CPHXL: variants seen among roughly 807,000 people sequenced by gnomAD.
CPHXL encodes the protein cytoplasmic polyadenylated homeobox like, also known as cytoplasmic polyadenylated homeobox-like protein.
intron 1 of CPHXL, among the ~76,000 whole-genome samples, chr16:75,720,141 C>T (rs866713528): frequency 1.3e-5 from 2 of 152,236 alleles, no homozygotes; most frequent in Non-Finnish European, 1.5e-5. Context: ...GACAAAACCA[C>T]AAAGATGGGG....
intron 2 of CPHXL, among the ~76,000 whole-genome samples, chr16:75,717,873 A>G (rs936555725): frequency 8.5e-5 from 13 of 152,102 alleles, no homozygotes; most frequent in African/African-American, 2.9e-4. Context: ...CGAATTCTGT[A>G]CCTTCCTATC....
chr16:75,725,697 C>T (rs1030661984), intron 1 of CPHXL, among the ~76,000 whole-genome samples: 2 of 150,396 alleles, frequency 1.3e-5, no homozygotes, highest in Non-Finnish European at 3.0e-5. Context: ...CGTGATCCAC[C>T]CGCCTCGGCC....
intron 2 of CPHXL, 130 bp from the exon 3 acceptor site, chr16:75,715,352 C>T (rs4888451): frequency 7.6e-6 from 3 of 396,806 alleles, no homozygotes; most frequent in Non-Finnish European, 1.3e-5. Flanking sequence ...TGCCTGCTGA[C>T]ATTAAAGCAT....
At position 75,720,010 on chromosome 16, in the gene CPHXL, C is replaced by T. The variant is rs547330350; in HGVS notation, c.26-1552G>A. On this transcript the variant is annotated intron_variant, in intron 1 of 2. Coordinates refer to ENST00000640559, the MANE Select transcript of CPHXL (RefSeq NM_001355613.1). ...TCAAACAGGGTCTGGAGTGGACCTCCGGCAAACTCCAACAGACCTGTAGCT... is the reference window on the plus strand; with the variant it reads ...TCAAACAGGGTCTGGAGTGGACCTCTGGCAAACTCCAACAGACCTGTAGCT... Among the ~76,000 whole-genome samples the T allele has an allele frequency of 1.1e-4, 17 of 152,304 alleles. 1 individual carries two copies. Among genetic ancestry groups the T allele is most frequent in the East Asian group, 3.9e-4 (2 of 5,182 alleles).
At chr16:75,725,198 C>T (rs1345382327) in intron 1 of CPHXL, among the ~76,000 whole-genome samples, 2 of 152,050 alleles carry the variant, frequency 1.3e-5, no homozygotes, top group African/African-American at 2.4e-5. Context: ...ATGGGTGCAG[C>T]ACACCAACAT....
rs990616696 is a variant in CPHXL, at chr16:75,714,773, C to A, written c.669G>T (p.Gly223=). 7 of 398,538 alleles carry A rather than the reference C, an allele frequency of 1.8e-5. No homozygotes were observed. The highest frequency in any genetic ancestry group is 4.4e-5 in the Admixed American group (1 of 22,720). 24.7% of individuals were successfully genotyped at this position (398,538 alleles called of 1,614,324 possible). ...GCCCACTTCCTGTGTCACCTCCATA[C>A]CCCATAGCACAGCCTGGATGCTTTT... is the stretch of plus-strand genomic sequence containing the variant. ...GTEKHPGCAM[G]YGGDTGSGHS... The change falls in exon 3 of 3, where the codon GGG becomes GGT. Residue 223 remains glycine (G), a synonymous_variant. Coordinates refer to ENST00000640559, the MANE Select transcript of CPHXL (RefSeq NM_001355613.1).
intron 1 of CPHXL, among the ~76,000 whole-genome samples, chr16:75,726,099 T>A (rs1959555412): frequency 6.6e-6 from 1 of 152,042 alleles, no homozygotes; most frequent in African/African-American, 2.4e-5. Context: ...ACACAAGAAC[T>A]GGTACTTTGT....
intron 1 of CPHXL, among the ~76,000 whole-genome samples, chr16:75,725,906 C>A (rs185905106): frequency 4.6e-5 from 7 of 151,542 alleles, no homozygotes; most frequent in African/African-American, 7.3e-5. Context: ...GCCAGTCATA[C>A]TAAATTGGAT....
intron 1 of CPHXL, among the ~76,000 whole-genome samples, chr16:75,721,218 C>T (rs1597221894): frequency 2.6e-5 from 4 of 152,266 alleles, no homozygotes; most frequent in East Asian, 1.9e-4. Context: ...AACCAGCTAA[C>T]ATCATAATGA....
chr16:75,718,300 C>T lies in CPHXL; in HGVS notation c.184G>A (p.Ala62Thr). ...TTTACCGGACAATCAAATTTGATGG[C>T]CAGTGTTTTCCTAGTTGTGTAATCG... ...YPDYTTRKTL[A>T]IKFDCPVNVI... is the part of the protein sequence containing the mutation. The change falls in exon 2 of 3, where the codon GCC becomes ACC. Residue 62 changes from alanine to threonine, a missense_variant. Physicochemically the swap from Ala to Thr is moderately conservative, Grantham distance 58 (BLOSUM62 0). Transcript: ENST00000640559. 2.5e-6 allele frequency: 1 copy of T among 398,742 alleles called. No homozygotes were observed. The highest frequency in any genetic ancestry group is 4.4e-6 in the Non-Finnish European group (1 of 226,200). 24.7% of individuals were successfully genotyped at this position (398,742 alleles called of 1,614,324 possible).
chr16:75,725,374 C>T (rs113887896), intron 1 of CPHXL, among the ~76,000 whole-genome samples: 2 of 152,090 alleles, frequency 1.3e-5, no homozygotes, highest in African/African-American at 2.4e-5. Context: ...CTGCAATCTC[C>T]GCCTACTGGG....
intron 1 of CPHXL, among the ~76,000 whole-genome samples, chr16:75,723,082 G>C (rs1201115738): frequency 6.6e-6 from 1 of 152,244 alleles, no homozygotes; most frequent in Admixed American, 6.5e-5. Context: ...AATAAATTAG[G>C]TATTGATGGG....
At chr16:75,719,465 C>T (rs62058720) in intron 1 of CPHXL, among the ~76,000 whole-genome samples, 1 of 152,132 alleles carries the variant, frequency 6.6e-6, no homozygotes, top group Non-Finnish European at 1.5e-5. Context: ...TATGCTGCGC[C>T]TGGCTCAGAG....
chr16:75,715,217 C>T lies in CPHXL; in HGVS notation c.225G>A (p.Trp75Ter). 1 of 398,814 alleles carries T rather than the reference C, an allele frequency of 2.5e-6. No homozygotes were observed. Among genetic ancestry groups the T allele is most frequent in the Non-Finnish European group, 4.4e-6 (1 of 226,194 alleles). The allele number at this position is 398,814 out of a possible 1,614,324, so 24.7% of individuals were successfully genotyped here. A position where few individuals can be genotyped will look rare whatever the true frequency, so the allele number is the denominator to read the frequency against. The change falls in exon 3 of 3, where the codon TGG becomes TGA. Residue 75 changes from tryptophan (W) to a stop codon, truncating the protein, a stop_gained. Coordinates refer to ENST00000640559, the MANE Select transcript of CPHXL (RefSeq NM_001355613.1). LOFTEE classifies it low-confidence loss of function (END_TRUNC). ...FDCPVNVIDN[W>*]FQNKRARLPP... ...GAAGTCTGGCTCTTTTATTCTGGAA[C>T]CAATTCTAGAGAGAAAAGATAATAT...
chr16:75,715,797 A>G (rs1253544950), intron 2 of CPHXL, among the ~76,000 whole-genome samples: 2 of 151,982 alleles, frequency 1.3e-5, no homozygotes, highest in African/African-American at 2.4e-5. Flanking sequence ...CCTGGATTCA[A>G]GTGATTTTCC....
Position 75,726,459 on chromosome 16 carries a change from T to G in CPHXL, c.-17A>C. ...CAAATTCATCTTGGGGTAGAAGACCTGGACTTCACGGAGACCAGCAAGCAA... is the reference window on the plus strand; with the variant it reads ...CAAATTCATCTTGGGGTAGAAGACCGGGACTTCACGGAGACCAGCAAGCAA... On this transcript the variant is annotated 5_prime_UTR_variant, in exon 1 of 3. Transcript: ENST00000640559. The G allele has an allele frequency of 2.5e-6, 1 of 398,608 alleles. No individual in the cohort carries two copies. Among genetic ancestry groups the G allele is most frequent in the Non-Finnish European group, 4.4e-6 (1 of 226,084 alleles). The allele number at this position is 398,608 out of a possible 1,614,324, so 24.7% of individuals were successfully genotyped here.
chr16:75,718,268 T>C lies in CPHXL; in HGVS notation c.216A>G (p.Ile72Met), dbSNP rs1455925196. 1 of 398,672 alleles carries C rather than the reference T, an allele frequency of 2.5e-6. No homozygotes were observed. Among genetic ancestry groups the C allele is most frequent in the East Asian group, 3.6e-5 (1 of 28,078 alleles). The allele number at this position is 398,672 out of a possible 1,614,324, so 24.7% of individuals were successfully genotyped here. A position where few individuals can be genotyped will look rare whatever the true frequency, so the allele number is the denominator to read the frequency against. ...ACATATGAGGTCTTGAACTTACATCTATCACATTTACCGGACAATCAAATT... is the reference window on the plus strand; with the variant it reads ...ACATATGAGGTCTTGAACTTACATCCATCACATTTACCGGACAATCAAATT... ...AIKFDCPVNV[I>M]DNWFQNKRAR... Residue 72 changes from isoleucine (I) to methionine (M), a missense_variant, in exon 2 of 3, where the codon ATA (isoleucine) becomes ATG (methionine). By Grantham distance (10) the Ile-to-Met change is conservative (BLOSUM62 1). Transcript: ENST00000640559.
rs74753575 is a variant in CPHXL at position 75,716,251 on chromosome 16, A to C, written c.220-1029T>G. On this transcript the variant is annotated intron_variant, in intron 2 of 2. Transcript: ENST00000640559. Reference sequence around the variant, plus strand: ...AGTGCACACCAGGTGGGTGTCCTTCAATTCAATTCTGACACTATGTACCTG... The same window carrying C: ...AGTGCACACCAGGTGGGTGTCCTTCCATTCAATTCTGACACTATGTACCTG... 2.3e-3 allele frequency among the ~76,000 whole-genome samples: 349 copies of C among 152,242 alleles called. 3 individuals carry two copies. The highest frequency in any genetic ancestry group is 7.7e-3 in the African/African-American group (321 of 41,536).
chr16:75,717,020 G>A (rs1959401747), intron 2 of CPHXL, among the ~76,000 whole-genome samples: 2 of 152,182 alleles, frequency 1.3e-5, no homozygotes, highest in African/African-American at 4.8e-5. Flanking sequence ...TTAGTAAAAG[G>A]CAACTTTCAT....
Sources: gnomAD v4.1 joint callset for allele counts (sites outside exome capture counted in the v4.1 genomes callset) on GRCh38, gnomAD v4.1.1 for gene constraint, MANE v1.5 for transcripts, NCBI Gene and HGNC (gene_info 2026-07-23, HGNC 2026-07-21) for gene names.